Variants in PTGER2 observed in about 807,000 individuals in gnomAD.
The protein encoded by PTGER2 is prostaglandin E2 receptor EP2 subtype.
A neutral mutation model predicts 26.2 loss-of-function variants in PTGER2; 22 were observed. That is an observed-to-expected ratio of 0.84 (90% confidence interval 0.60 to 1.20). The LOEUF is 1.20. Among genes scored for constraint, PTGER2 ranks in the 50% most tolerant of loss-of-function variants. PTGER2 has a pLI of 0.00. For synonymous variants in PTGER2, 219 were observed against 208.9 expected, an observed-to-expected ratio of 1.05 and a Z score of -0.42; for missense variants, 458 against 475.2, an observed-to-expected ratio of 0.96 and a Z score of 0.34.
Position 52,314,478 on chromosome 14 carries a change from G to C in PTGER2, c.-71G>C. 1.4e-6 allele frequency: 2 copies of C among 1,386,406 alleles called. No homozygotes were observed. The highest frequency in any genetic ancestry group is 1.9e-6 in the Non-Finnish European group (2 of 1,064,560). The allele number at this position is 1,386,406 out of a possible 1,614,324, so 85.9% of individuals were successfully genotyped here. ...TTCCTCTGAGTCTCGGAACGCTCCG[G>C]CTCTCAGACCCTCTTCCTCCCAGGT... On this transcript the variant is annotated 5_prime_UTR_variant, in exon 1 of 2. Coordinates refer to ENST00000245457, the MANE Select transcript of PTGER2 (RefSeq NM_000956.4). The surrounding 1 kb of genome is among the most constrained non-coding windows in gnomAD (Gnocchi z 5.7).
rs2033964116 is a variant in PTGER2, at chr14:52,327,498, T to C, written c.*44T>C. ...TCTTAGTTATATAGCATCTGGAAGA[T>C]CATTTTGAAATTGTTCCTTGGAGAA... On this transcript the variant is annotated 3_prime_UTR_variant, in exon 2 of 2. Transcript: ENST00000245457. The C allele has an allele frequency of 2.8e-6, 4 of 1,438,332 alleles. No homozygotes were observed. Among genetic ancestry groups the C allele is most frequent in the Non-Finnish European group, 3.8e-6 (4 of 1,044,496 alleles). 89.1% of individuals were successfully genotyped at this position (1,438,332 alleles called of 1,614,324 possible).
chr14:52,324,174 A>G (rs937850806), intron 1 of PTGER2, among the ~76,000 whole-genome samples: 1 of 152,182 alleles, frequency 6.6e-6, no homozygotes, highest in Non-Finnish European at 1.5e-5. Flanking sequence ...GAGACACAGG[A>G]GATGTTCAGG....
At chr14:52,324,094 C>G (rs946062003) in intron 1 of PTGER2, among the ~76,000 whole-genome samples, 2 of 152,074 alleles carry the variant, frequency 1.3e-5, no homozygotes, top group Non-Finnish European at 2.9e-5. Context: ...GAAAATAATT[C>G]TGGAGATGGT....
chr14:52,315,957 A>G (rs1196425333), intron 1 of PTGER2, among the ~76,000 whole-genome samples: 1 of 152,230 alleles, frequency 6.6e-6, no homozygotes, highest in Non-Finnish European at 1.5e-5. Flanking sequence ...AGCATTTGTT[A>G]TTTGTCCTAA....
chr14:52,324,378 G>A (rs1279381672), intron 1 of PTGER2, among the ~76,000 whole-genome samples: 1 of 152,168 alleles, frequency 6.6e-6, no homozygotes, highest in African/African-American at 2.4e-5. Flanking sequence ...CTATAGGGGT[G>A]GTCCCTAGTT....
At chr14:52,319,657 C>A (rs1471395011) in intron 1 of PTGER2, among the ~76,000 whole-genome samples, 2 of 152,210 alleles carry the variant, frequency 1.3e-5, no homozygotes, top group African/African-American at 2.4e-5. Flanking sequence ...ATTCTTGCCT[C>A]AGATACTGTT....
chr14:52,325,523 A>C (rs2033941275), intron 1 of PTGER2, among the ~76,000 whole-genome samples: 1 of 152,216 alleles, frequency 6.6e-6, no homozygotes, highest in African/African-American at 2.4e-5. Context: ...GTGTGTGCAT[A>C]TGTAATCACT....
intron 1 of PTGER2, among the ~76,000 whole-genome samples, chr14:52,316,510 A>G (rs1274432590): frequency 6.6e-6 from 1 of 152,146 alleles, no homozygotes; most frequent in Non-Finnish European, 1.5e-5. Flanking sequence ...AGCAGTTAAT[A>G]GTGACTTCCA....
At chr14:52,315,473 G>A in intron 1 of PTGER2, 82 bp downstream of exon 1, 7 of 1,537,258 alleles carry the variant, frequency 4.6e-6, no homozygotes, top group Non-Finnish European at 6.1e-6. Context: ...CCTTTCCACC[G>A]CCCTACAAAC....
At position 52,314,565 on chromosome 14, in the gene PTGER2, A is replaced by T; in HGVS notation, c.17A>T (p.Asn6Ile). 1.3e-6 allele frequency: 2 copies of T among 1,496,410 alleles called. No individual in the cohort carries two copies. The highest frequency in any genetic ancestry group is 2.4e-5 in the Admixed American group (1 of 41,438). 92.7% of individuals were successfully genotyped at this position (1,496,410 alleles called of 1,614,324 possible). The change falls in exon 1 of 2, where the codon AAT becomes ATT. Residue 6 changes from asparagine (N) to isoleucine (I), a missense_variant. Asn to Ile is a moderately radical substitution (Grantham distance 149, BLOSUM62 -3). Coordinates refer to ENST00000245457, the MANE Select transcript of PTGER2 (RefSeq NM_000956.4). The surrounding 1 kb of genome is among the most constrained non-coding windows in gnomAD (Gnocchi z 5.7). MGNAS[N>I]DSQSEDCETR... Reference sequence around the variant, plus strand: ...CACCCCACCATGGGCAATGCCTCCAATGACTCCCAGTCTGAGGACTGCGAG... The same window carrying T: ...CACCCCACCATGGGCAATGCCTCCATTGACTCCCAGTCTGAGGACTGCGAG...
intron 1 of PTGER2, among the ~76,000 whole-genome samples, chr14:52,320,799 C>A (rs551606712): frequency 1.3e-5 from 2 of 152,296 alleles, no homozygotes; most frequent in Admixed American, 6.5e-5. Flanking sequence ...AAGAACCTTG[C>A]AGCTGGGACA....
chr14:52,315,775 C>T (rs2033835056), intron 1 of PTGER2, among the ~76,000 whole-genome samples: 1 of 152,202 alleles, frequency 6.6e-6, no homozygotes, highest in African/African-American at 2.4e-5. Flanking sequence ...ACTGTTCCAG[C>T]CTGACGACCT....
chr14:52,321,921 G>C (rs2033900029), intron 1 of PTGER2, among the ~76,000 whole-genome samples: 1 of 152,176 alleles, frequency 6.6e-6, no homozygotes, highest in South Asian at 2.1e-4. Context: ...ATTGACCTAA[G>C]TGGGCCTTTT....
chr14:52,319,274 T>C (rs754930811), intron 1 of PTGER2, among the ~76,000 whole-genome samples: 1 of 152,224 alleles, frequency 6.6e-6, no homozygotes, highest in Non-Finnish European at 1.5e-5. Context: ...TGTGGTTCCC[T>C]TTCTTTTCTC....
chr14:52,318,743 T>G (rs2033866291), intron 1 of PTGER2, among the ~76,000 whole-genome samples: 1 of 152,172 alleles, frequency 6.6e-6, no homozygotes, highest in South Asian at 2.1e-4. Flanking sequence ...TTTGGGCAGG[T>G]TGGAATTACT....
intron 1 of PTGER2, among the ~76,000 whole-genome samples, chr14:52,320,280 A>G (rs1002892133): frequency 1.3e-5 from 2 of 152,210 alleles, no homozygotes; most frequent in East Asian, 3.8e-4. Flanking sequence ...GCCATTTGAT[A>G]TTATGAATGC....
At position 52,314,832 on chromosome 14, in the gene PTGER2, G is replaced by A. The variant is rs765974388; in HGVS notation, c.284G>A (p.Arg95Gln). ...ISPVVLASYA[R>Q]NQTLVALAPE... ...CCAGTGGTACTGGCTTCGTACGCGC[G>A]GAACCAGACCCTGGTGGCACTGGCG... Residue 95 changes from arginine to glutamine, a missense_variant, in exon 1 of 2, where the codon CGG (arginine) becomes CAG (glutamine). Arg to Gln is a conservative substitution (Grantham distance 43, BLOSUM62 1). Transcript: ENST00000245457. This position sits in a 1 kb window ranked among gnomAD's most constrained non-coding sequence, Gnocchi z 5.7. The A allele has an allele frequency of 1.9e-6, 3 of 1,613,070 alleles. No homozygotes were observed. The highest frequency in any genetic ancestry group is 2.5e-6 in the Non-Finnish European group (3 of 1,179,954).
chr14:52,316,825 G>A (rs1027120529), intron 1 of PTGER2, among the ~76,000 whole-genome samples: 16 of 152,166 alleles, frequency 1.1e-4, no homozygotes, highest in African/African-American at 3.9e-4. Context: ...TACACTTTGA[G>A]GGAATGAGAT....
rs954123431 is a variant in PTGER2 at position 52,314,381 on chromosome 14, G to C, written c.-168G>C. On this transcript the variant is annotated 5_prime_UTR_variant, in exon 1 of 2. Coordinates refer to ENST00000245457, the MANE Select transcript of PTGER2 (RefSeq NM_000956.4). The surrounding 1 kb of genome is among the most constrained non-coding windows in gnomAD (Gnocchi z 5.7). ...CGAGCCGCCACTCGGCGCGCGGCGG[G>C]AGACCCAGGGCAAGCCGCCGTCGGC... The C allele has an allele frequency of 2.6e-5, 20 of 767,292 alleles. No homozygotes were observed. The highest frequency in any genetic ancestry group is 1.3e-4 in the South Asian group (2 of 15,264). The allele number at this position is 767,292 out of a possible 1,614,324, so 47.5% of individuals were successfully genotyped here. A position where few individuals can be genotyped will look rare whatever the true frequency, so the allele number is the denominator to read the frequency against.
Sources: allele counts gnomAD v4.1 joint callset (sites outside exome capture counted in the v4.1 genomes callset), GRCh38; gene constraint gnomAD v4.1.1; non-coding constraint Gnocchi (gnomAD v3.1); transcripts MANE v1.5; gene names NCBI Gene and HGNC (gene_info 2026-07-23, HGNC 2026-07-21).